Variants in RAD51B observed in about 807,000 individuals in gnomAD.
RAD51B encodes DNA repair protein RAD51 homolog 2.
A neutral mutation model predicts 42.2 loss-of-function variants in RAD51B; 38 were observed. That is an observed-to-expected ratio of 0.90 (90% CI 0.70 to 1.18). The LOEUF is 1.18. Ranked by LOEUF, RAD51B falls within the 50% of genes most tolerant of loss-of-function variation. The pLI is 0.00. For missense variants in RAD51B, 373 were observed against 400.7 expected, an observed-to-expected ratio of 0.93 and a Z score of 0.59; for synonymous variants, 154 against 145.2, an observed-to-expected ratio of 1.06 and a Z score of -0.43.
At chr14:68,288,123 G>T (rs1402140590) in intron 7 of RAD51B, among the ~76,000 whole-genome samples, 2 of 152,208 alleles carry the variant, frequency 1.3e-5, no homozygotes, top group African/African-American at 4.8e-5. Flanking sequence ...AGACTGTGTT[G>T]AGTCTGTTTA....
chr14:68,264,106 T>A (rs1303750795), intron 7 of RAD51B, among the ~76,000 whole-genome samples: 2 of 152,184 alleles, frequency 1.3e-5, no homozygotes, highest in Non-Finnish European at 1.5e-5. Context: ...TCCTACTTCC[T>A]CAGAATTCAC....
intron 2 of RAD51B, 34 bp from the exon 3 acceptor site, chr14:67,825,430 A>G (rs764672948): frequency 3.8e-5 from 55 of 1,459,612 alleles, no homozygotes; most frequent in Non-Finnish European, 2.5e-5. Flanking sequence ...TGTTACACAT[A>G]TATGTTTAAA....
At chr14:68,186,770 T>A (rs2079166668) in intron 7 of RAD51B, among the ~76,000 whole-genome samples, 1 of 152,188 alleles carries the variant, frequency 6.6e-6, no homozygotes, top group Non-Finnish European at 1.5e-5. Context: ...GGTGGGAATG[T>A]AAATTATTTC....
intron 10 of RAD51B, among the ~76,000 whole-genome samples, chr14:68,630,614 G>A (rs1892205031): frequency 6.6e-6 from 1 of 152,220 alleles, no homozygotes; most frequent in Admixed American, 6.5e-5. Flanking sequence ...TCCTATAGCA[G>A]TGCCTGCCCA....
chr14:68,497,038 A>G, intron 10 of RAD51B: 1 of 1,233,878 alleles, frequency 8.1e-7, no homozygotes, highest in Non-Finnish European at 1.1e-6. Flanking sequence ...TCAATAAACA[A>G]CAGTTTTAGC....
At chr14:67,961,714 T>C (rs934605876) in intron 7 of RAD51B, among the ~76,000 whole-genome samples, 2 of 152,158 alleles carry the variant, frequency 1.3e-5, no homozygotes, top group African/African-American at 4.8e-5. Context: ...TCTCTTCTTT[T>C]CTCAGTATTT....
At chr14:68,476,215 G>A (rs1882592043) in intron 10 of RAD51B, among the ~76,000 whole-genome samples, 1 of 152,134 alleles carries the variant, frequency 6.6e-6, no homozygotes, top group South Asian at 2.1e-4. Flanking sequence ...GATGACTGAG[G>A]TAGGTTCTTG....
chr14:68,505,773 G>A lies in RAD51B; in HGVS notation c.1036+37523G>A, dbSNP rs1228049904. 3.9e-5 allele frequency among the ~76,000 whole-genome samples: 6 copies of A among 151,960 alleles called. No homozygotes were observed. The East Asian group carries it at 9.7e-4, about 24-fold the overall frequency. Reference sequence around the variant, plus strand: ...TCACCATGTTGGCCAGACTGGTCTCGAACTCCCAACCTCAGGAAATCCGCC... The same window carrying A: ...TCACCATGTTGGCCAGACTGGTCTCAAACTCCCAACCTCAGGAAATCCGCC... On this transcript the variant is annotated intron_variant, in intron 10 of 10. Coordinates refer to the RAD51B transcript ENST00000487270.
chr14:68,054,722 A>G (rs910426040), intron 7 of RAD51B, among the ~76,000 whole-genome samples: 22 of 152,228 alleles, frequency 1.4e-4, no homozygotes, highest in African/African-American at 5.3e-4. Context: ...TGTAAATACT[A>G]TCTTTAAATA....
At chr14:68,437,697 C>T (rs1290370882) in intron 9 of RAD51B, among the ~76,000 whole-genome samples, 1 of 151,980 alleles carries the variant, frequency 6.6e-6, no homozygotes, top group Non-Finnish European at 1.5e-5. Flanking sequence ...CTATGAAGAG[C>T]CATAGTAGTA....
intron 7 of RAD51B, among the ~76,000 whole-genome samples, chr14:67,891,536 G>A (rs2043219103): frequency 6.6e-6 from 1 of 152,040 alleles, no homozygotes; most frequent in Non-Finnish European, 1.5e-5. Context: ...GAAAGAATTT[G>A]TTCTGGTTTT....
At chr14:68,491,978 C>T (rs565094166) in intron 10 of RAD51B, among the ~76,000 whole-genome samples, 1 of 152,344 alleles carries the variant, frequency 6.6e-6, no homozygotes, top group South Asian at 2.1e-4. Flanking sequence ...CCTGCTTCTT[C>T]GCCTCTCACA....
chr14:68,129,237 G>T (rs959484194), intron 7 of RAD51B, among the ~76,000 whole-genome samples: 4 of 152,110 alleles, frequency 2.6e-5, no homozygotes, highest in Non-Finnish European at 4.4e-5. Context: ...TATACCTTAC[G>T]AGTTTTCTTT....
intron 10 of RAD51B, among the ~76,000 whole-genome samples, chr14:68,581,077 T>G (rs1050576505): frequency 2.0e-5 from 3 of 152,214 alleles, no homozygotes; most frequent in African/African-American, 7.2e-5. Flanking sequence ...AGGGATAGAT[T>G]ACCTTTGACC....
intron 7 of RAD51B, among the ~76,000 whole-genome samples, chr14:68,014,970 G>A (rs1243074911): frequency 6.6e-6 from 1 of 152,092 alleles, no homozygotes. Flanking sequence ...TTATTTGAGA[G>A]GGGGTGTGGA....
At chr14:67,929,218 G>C (rs1046294121) in intron 7 of RAD51B, among the ~76,000 whole-genome samples, 1 of 151,912 alleles carries the variant, frequency 6.6e-6, no homozygotes, top group African/African-American at 2.4e-5. Context: ...TTCTGATTTA[G>C]GTGTTTATTG....
intron 7 of RAD51B, among the ~76,000 whole-genome samples, chr14:68,261,923 C>T (rs1026918397): frequency 2.0e-5 from 3 of 152,026 alleles, no homozygotes; most frequent in Non-Finnish European, 4.4e-5. Context: ...AGGCCGGGGA[C>T]GCTGGGTCAG....
chr14:67,819,800 C>CGGGGAAACTGTGTAAAGGGT lies in RAD51B; in HGVS notation c.-46_-27dup, dbSNP rs1184062893. The CGGGGAAACTGTGTAAAGGGT allele has an allele frequency of 6.6e-6, 1 of 152,052 alleles. No individual in the cohort carries two copies. The highest frequency in any genetic ancestry group is 1.5e-5 in the Non-Finnish European group (1 of 68,040). 9.4% of individuals were successfully genotyped at this position (152,052 alleles called of 1,614,324 possible). A position where few individuals can be genotyped will look rare whatever the true frequency, so the allele number is the denominator to read the frequency against. On this transcript the variant is annotated 5_prime_UTR_variant, in exon 1 of 11. Transcript: ENST00000471583. ...GGTTGTTGCTTTGCGGCGTTTTCCG[C>CGGGGAAACTGTGTAAAGGGT]GGGGAAACTGTGTAAAGGGTGGGGA... is the stretch of plus-strand genomic sequence containing the variant.
At chr14:68,497,758 T>G in intron 10 of RAD51B, 1 of 226,708 alleles carries the variant, frequency 4.4e-6, no homozygotes, top group Non-Finnish European at 8.7e-6. Context: ...TCTGGATATT[T>G]CATATAAATG....
Sources: allele counts gnomAD v4.1 joint callset (sites outside exome capture counted in the v4.1 genomes callset), GRCh38; gene constraint gnomAD v4.1.1; transcripts MANE v1.5; gene names NCBI Gene and HGNC (gene_info 2026-07-23, HGNC 2026-07-21).